Variants in ADAM7 observed in about 807,000 individuals in gnomAD.
ADAM7 encodes the protein ADAM metallopeptidase domain 7, also known as disintegrin and metalloproteinase domain-containing protein 7.
ADAM7 carries 97 observed loss-of-function variants against 102.9 expected under a neutral mutation model. The ratio of observed to expected loss-of-function variants is 0.94; its 90% CI spans 0.80 to 1.12. ADAM7 has a LOEUF of 1.12. Ranked by LOEUF, ADAM7 falls within the 50% of genes most tolerant of loss-of-function variation. The pLI, the probability that ADAM7 is intolerant of heterozygous loss-of-function variation, is 0.00. For missense variants in ADAM7, 991 were observed against 908.7 expected, an observed-to-expected ratio of 1.09 and a Z score of -1.16; for synonymous variants, 334 against 304.4, an observed-to-expected ratio of 1.10 and a Z score of -1.01.
intron 7 of ADAM7, among the ~76,000 whole-genome samples, chr8:24,472,285 TAAA>T (rs201842284): frequency 6.6e-6 from 1 of 150,766 alleles, no homozygotes; most frequent in African/African-American, 2.4e-5. Flanking sequence ...ACCTTGCATT[TAAA>T]AAAAAAGAAT....
chr8:24,477,569 A>AGTGTGTGAGTGTGTGTGTGT (rs60219377), intron 8 of ADAM7, among the ~76,000 whole-genome samples: 4,599 of 145,590 alleles, frequency 0.032, 156 homozygotes, highest in African/African-American at 0.082. Flanking sequence ...TACCCTCATC[A>AGTGTGTGAGTGTGTGTGTGT]GTGTGTGTGT....
intron 3 of ADAM7, among the ~76,000 whole-genome samples, chr8:24,452,126 G>A (rs1317861256): frequency 1.1e-4 from 16 of 151,530 alleles, no homozygotes; most frequent in African/African-American, 3.6e-4. Flanking sequence ...TGTATATTCT[G>A]TTGATTTGGG....
chr8:24,465,618 T>G (rs1432706343), intron 4 of ADAM7, 81 bp from the exon 5 acceptor site: 2 of 790,304 alleles, frequency 2.5e-6, no homozygotes, highest in Non-Finnish European at 3.7e-6. Flanking sequence ...TGATATATTC[T>G]GAACAGAAAA....
In ADAM7 at chr8:24,509,159, A is replaced by G; in HGVS notation, c.*613A>G. ...CACAGAATGCTCCTGGCAATTCTAA[A>G]TTCCTAGGTTTGCCTTTCTAGAATT... On this transcript the variant is annotated 3_prime_UTR_variant, in exon 22 of 22. Coordinates refer to ENST00000175238, the MANE Select transcript of ADAM7 (RefSeq NM_003817.4). 1.0e-6 allele frequency: 1 copy of G among 985,448 alleles called. No individual in the cohort carries two copies. The highest frequency in any genetic ancestry group is 1.2e-6 in the Non-Finnish European group (1 of 829,966). 61.0% of individuals were successfully genotyped at this position (985,448 alleles called of 1,614,324 possible). A position where few individuals can be genotyped will look rare whatever the true frequency, so the allele number is the denominator to read the frequency against.
intron 7 of ADAM7, among the ~76,000 whole-genome samples, chr8:24,471,785 A>G (rs1181116535): frequency 6.6e-6 from 1 of 152,032 alleles, no homozygotes; most frequent in Non-Finnish European, 1.5e-5. Context: ...AAATACAAAA[A>G]CAGAAAAAAA....
At chr8:24,481,764 G>A (rs1314559637) in intron 8 of ADAM7, among the ~76,000 whole-genome samples, 1 of 152,140 alleles carries the variant, frequency 6.6e-6, no homozygotes, top group Non-Finnish European at 1.5e-5. Context: ...TTGGCCTGAA[G>A]TATGAAGGTG....
chr8:24,493,017 G>T (rs547462861), intron 15 of ADAM7, 26 bp from the exon 16 acceptor site: 1 of 1,545,646 alleles, frequency 6.5e-7, no homozygotes, highest in South Asian at 1.2e-5. Context: ...CTAGTTCCAA[G>T]TTTGAATATT....
rs1296726067 is a variant in ADAM7, at chr8:24,489,305, G to C, written c.1238G>C (p.Gly413Ala). The C allele has an allele frequency of 6.2e-7, 1 of 1,612,972 alleles. No individual in the cohort carries two copies. Among genetic ancestry groups the C allele is most frequent in the Non-Finnish European group, 8.5e-7 (1 of 1,179,422 alleles). The change falls in exon 12 of 22, where the codon GGT becomes GCT. Residue 413 changes from glycine (G) to alanine (A), a missense_variant. Transcript: ENST00000175238. ...QFCGNKKLDEGEECDCGPAQE... is the reference protein window; with the variant it reads ...QFCGNKKLDEAEECDCGPAQE... ...TGTGGAAACAAGAAGTTGGATGAGG[G>C]TGAAGAGTGTGACTGTGGCCCTGCT...
At chr8:24,455,740 A>G (rs1819008603) in intron 3 of ADAM7, among the ~76,000 whole-genome samples, 2 of 152,234 alleles carry the variant, frequency 1.3e-5, no homozygotes, top group African/African-American at 4.8e-5. Context: ...TTCTTTGTAT[A>G]ACATTTTCAT....
chr8:24,485,329 T>A lies in ADAM7; in HGVS notation c.928T>A (p.Cys310Ser). The A allele has an allele frequency of 6.2e-7, 1 of 1,613,790 alleles. No homozygotes were observed. The highest frequency in any genetic ancestry group is 8.5e-7 in the Non-Finnish European group (1 of 1,179,792). Reference protein sequence around the residue: ...VQGISYPGGMCLPYYSTSIIK... With the variant: ...VQGISYPGGMSLPYYSTSIIK... ...AGGAATTTCTTATCCAGGGGGTATG[T>A]GCCTGCCCTATTATTCCACCAGTAT... Residue 310 changes from cysteine (C) to serine (S), a missense_variant, in exon 10 of 22, where the codon TGC becomes AGC. Physicochemically the swap from Cys to Ser is moderately radical, Grantham distance 112 (BLOSUM62 -1). Transcript: ENST00000175238.
intron 3 of ADAM7, among the ~76,000 whole-genome samples, chr8:24,458,253 C>T (rs1819111741): frequency 6.6e-6 from 1 of 152,182 alleles, no homozygotes; most frequent in Admixed American, 6.5e-5. Flanking sequence ...TTTTAACTTA[C>T]TGACTCTATA....
At chr8:24,475,103 G>A (rs1190039498) in intron 7 of ADAM7, among the ~76,000 whole-genome samples, 1 of 152,082 alleles carries the variant, frequency 6.6e-6, no homozygotes, top group Non-Finnish European at 1.5e-5. Flanking sequence ...AAAAAGAAGA[G>A]CAGAACACAA....
At chr8:24,474,329 T>C (rs1195041195) in intron 7 of ADAM7, among the ~76,000 whole-genome samples, 1 of 152,164 alleles carries the variant, frequency 6.6e-6, no homozygotes, top group Non-Finnish European at 1.5e-5. Flanking sequence ...TAATAATATA[T>C]GTGTTATTAA....
intron 16 of ADAM7, among the ~76,000 whole-genome samples, chr8:24,497,444 T>C (rs1392576763): frequency 6.6e-6 from 1 of 152,202 alleles, no homozygotes; most frequent in Non-Finnish European, 1.5e-5. Context: ...AAACCATGAT[T>C]ACTGGTTTAT....
chr8:24,447,250 T>G lies in ADAM7; in HGVS notation c.221T>G (p.Leu74Arg), dbSNP rs956573879. Reference protein sequence around the residue: ...KLNRKTLVLHLLRSREFLGSN... With the variant: ...KLNRKTLVLHRLRSREFLGSN... ...AATAGAAAAACCTTAGTCCTTCATC[T>G]TCTAAGATCCAGGTAAGTTCTATTG... The change falls in exon 3 of 22, where the codon CTT becomes CGT. Residue 74 changes from leucine (L) to arginine (R), a missense_variant. Physicochemically the swap from Leu to Arg is moderately radical, Grantham distance 102 (BLOSUM62 -2). Transcript: ENST00000175238. 1 of 1,520,250 alleles carries G rather than the reference T, an allele frequency of 6.6e-7. No individual in the cohort carries two copies. The highest frequency in any genetic ancestry group is 9.0e-7 in the Non-Finnish European group (1 of 1,112,714). 94.2% of individuals were successfully genotyped at this position (1,520,250 alleles called of 1,614,324 possible).
At chr8:24,488,599 C>T (rs990464) in intron 11 of ADAM7, among the ~76,000 whole-genome samples, 46,682 of 151,748 alleles carry the variant, frequency 0.31, 7,454 homozygotes, top group South Asian at 0.38. Context: ...CTGTATTGAA[C>T]TATTATGTCA....
Position 24,508,748 on chromosome 8 carries a change from A to G in ADAM7, c.*202A>G. On this transcript the variant is annotated 3_prime_UTR_variant, in exon 22 of 22. Coordinates refer to ENST00000175238, the MANE Select transcript of ADAM7 (RefSeq NM_003817.4). Reference sequence around the variant, plus strand: ...GTAGAATTCACACCCTCTATCATAAACATATGCTGCAGAAAAAAAATGTCT... The same window carrying G: ...GTAGAATTCACACCCTCTATCATAAGCATATGCTGCAGAAAAAAAATGTCT... 7.3e-7 allele frequency: 1 copy of G among 1,370,592 alleles called. No homozygotes were observed. The highest frequency in any genetic ancestry group is 9.4e-7 in the Non-Finnish European group (1 of 1,060,006). 84.9% of individuals were successfully genotyped at this position (1,370,592 alleles called of 1,614,324 possible). A position where few individuals can be genotyped will look rare whatever the true frequency, so the allele number is the denominator to read the frequency against.
intron 7 of ADAM7, among the ~76,000 whole-genome samples, chr8:24,475,634 G>C (rs1397360089): frequency 6.6e-6 from 1 of 152,024 alleles, no homozygotes; most frequent in Non-Finnish European, 1.5e-5. Flanking sequence ...CTATATCTTA[G>C]CAGTATTTTG....
At chr8:24,458,856 A>T (rs1819135587) in intron 3 of ADAM7, among the ~76,000 whole-genome samples, 1 of 152,132 alleles carries the variant, frequency 6.6e-6, no homozygotes, top group East Asian at 1.9e-4. Flanking sequence ...AATCCATTGA[A>T]ATGTCGATAT....
Sources: allele counts gnomAD v4.1 joint callset (sites outside exome capture counted in the v4.1 genomes callset), GRCh38; gene constraint gnomAD v4.1.1; transcripts MANE v1.5; gene names NCBI Gene and HGNC (gene_info 2026-07-23, HGNC 2026-07-21).